Variants in MAGI2 observed in about 807,000 individuals in gnomAD.
MAGI2 encodes membrane associated guanylate kinase, WW and PDZ domain containing 2.
In MAGI2, 35 loss-of-function variants were observed where a neutral mutation model predicts 133.3. The observed-to-expected ratio is 0.26, with a 90% CI of 0.20 to 0.35. The LOEUF is 0.35. Among genes scored for constraint, MAGI2 ranks in the 10% least tolerant of loss-of-function variants. The probability of loss-of-function intolerance (pLI) is 1.00; values close to 1 mark genes in which losing one functional copy is unlikely to be tolerated. For synonymous variants in MAGI2, 729 were observed against 710.6 expected (o/e 1.03, Z -0.41); for missense variants, 1,636 against 1,863.4 (o/e 0.88, Z 2.25).
intron 2 of MAGI2, among the ~76,000 whole-genome samples, chr7:78,658,234 T>G (rs1812520973): frequency 6.6e-6 from 1 of 152,140 alleles, no homozygotes; most frequent in Non-Finnish European, 1.5e-5. Flanking sequence ...AAGGAAGAGC[T>G]TTTTCAACAA....
intron 10 of MAGI2, among the ~76,000 whole-genome samples, chr7:78,217,028 T>A (rs976605931): frequency 3.9e-5 from 6 of 152,194 alleles, no homozygotes; most frequent in Non-Finnish European, 8.8e-5. Context: ...GGGGATGGCA[T>A]CTCCAATGTT....
At chr7:79,088,479 T>C (rs1816735986) in intron 1 of MAGI2, among the ~76,000 whole-genome samples, 1 of 152,122 alleles carries the variant, frequency 6.6e-6, no homozygotes, top group Non-Finnish European at 1.5e-5. Context: ...TGACTTCCTC[T>C]TTTCCTATTT....
chr7:78,422,356 A>G (rs1798878517), intron 6 of MAGI2, among the ~76,000 whole-genome samples: 1 of 152,200 alleles, frequency 6.6e-6, no homozygotes, highest in South Asian at 2.1e-4. Context: ...ATGTTAATAG[A>G]TCTCAGGTGA....
rs1808079818 is a variant in MAGI2 at position 78,019,477 on chromosome 7, G to C, written c.4206C>G (p.Ala1402=). ...CCGCGCGCGCACCCGCCCTGCCCTC[G>C]GCCTCCAGCGCGCCGCTGCCGCCGC... The part of the protein sequence containing the change: ...PGGGGSGALE[A]EGRAGARAGP... The change falls in exon 22 of 22, where the codon GCC becomes GCG. Residue 1402 remains alanine, a synonymous_variant. Coordinates refer to ENST00000354212, the MANE Select transcript of MAGI2 (RefSeq NM_012301.4). 1.0e-6 allele frequency: 1 copy of C among 979,854 alleles called. No individual in the cohort carries two copies. The allele number at this position is 979,854 out of a possible 1,614,324, so 60.7% of individuals were successfully genotyped here.
At chr7:78,551,817 T>C (rs1205641297) in intron 3 of MAGI2, among the ~76,000 whole-genome samples, 1 of 152,250 alleles carries the variant, frequency 6.6e-6, no homozygotes, top group Non-Finnish European at 1.5e-5. Flanking sequence ...CGAACCTGGC[T>C]CACTGCAGCC....
At chr7:79,129,237 T>C (rs1000560048) in intron 1 of MAGI2, among the ~76,000 whole-genome samples, 1 of 152,176 alleles carries the variant, frequency 6.6e-6, no homozygotes, top group Non-Finnish European at 1.5e-5. Context: ...ACGAAGCCTA[T>C]TTTATAATAA....
chr7:78,989,778 G>C (rs557868969), intron 2 of MAGI2, among the ~76,000 whole-genome samples: 1 of 152,032 alleles, frequency 6.6e-6, no homozygotes, highest in African/African-American at 2.4e-5. Flanking sequence ...GCATACCACC[G>C]TTTTCAGCCT....
intron 1 of MAGI2, among the ~76,000 whole-genome samples, chr7:79,198,921 T>C (rs1828342684): frequency 6.6e-6 from 1 of 151,790 alleles, no homozygotes; most frequent in African/African-American, 2.4e-5. Context: ...GTAAAAGAGA[T>C]GCAGGACCAT....
chr7:78,964,649 A>G (rs1050904340), intron 2 of MAGI2, among the ~76,000 whole-genome samples: 1 of 152,084 alleles, frequency 6.6e-6, no homozygotes. Context: ...CACACATGCA[A>G]CAACATACAA....
chr7:79,143,201 G>A (rs1286712044), intron 1 of MAGI2, among the ~76,000 whole-genome samples: 1 of 152,114 alleles, frequency 6.6e-6, no homozygotes, highest in Non-Finnish European at 1.5e-5. Context: ...ATTTTACATA[G>A]TGCTGCCAAT....
At chr7:78,283,760 T>C (rs1284807550) in intron 9 of MAGI2, among the ~76,000 whole-genome samples, 1 of 152,094 alleles carries the variant, frequency 6.6e-6, no homozygotes, top group Non-Finnish European at 1.5e-5. Flanking sequence ...TATTCCAAAG[T>C]GGTTACTGCT....
chr7:78,837,817 T>C (rs1283698810), intron 2 of MAGI2, among the ~76,000 whole-genome samples: 1 of 152,140 alleles, frequency 6.6e-6, no homozygotes, highest in African/African-American at 2.4e-5. Context: ...TTATTCGTAC[T>C]AGAAGCATTA....
chr7:79,304,668 C>T lies in MAGI2; in HGVS notation c.301+148352G>A, dbSNP rs142054579. On this transcript the variant is annotated intron_variant, in intron 1 of 21. Coordinates refer to ENST00000354212, the MANE Select transcript of MAGI2 (RefSeq NM_012301.4). ...AAGAAATCCCTAGATTTACACTGCCCAGACACTGCTGCTGAGCACTGAATG... is the reference window on the plus strand; with the variant it reads ...AAGAAATCCCTAGATTTACACTGCCTAGACACTGCTGCTGAGCACTGAATG... Among the ~76,000 whole-genome samples the T allele has an allele frequency of 2.0e-5, 3 of 152,298 alleles. No homozygotes were observed. In the East Asian group the frequency reaches 5.8e-4, roughly 29 times the overall value.
At chr7:78,438,138 C>T in intron 6 of MAGI2, among the ~76,000 whole-genome samples, 1 of 152,052 alleles carries the variant, frequency 6.6e-6, no homozygotes, top group South Asian at 2.1e-4. Context: ...AACAGATAAC[C>T]ACTGAAACGT....
intron 20 of MAGI2, among the ~76,000 whole-genome samples, chr7:78,124,861 C>CT (rs10707820): frequency 0.13 from 18,275 of 137,362 alleles, 1,266 homozygotes; most frequent in Middle Eastern, 0.18. Context: ...TAGCTGCTGT[C>CT]TTTTTTTTTT....
intron 21 of MAGI2, among the ~76,000 whole-genome samples, chr7:78,061,216 G>C (rs1813218706): frequency 6.6e-6 from 1 of 151,246 alleles, no homozygotes. Flanking sequence ...ATTTTGAGTG[G>C]GGCAATCCTT....
At chr7:78,106,004 C>T (rs182023751) in intron 20 of MAGI2, among the ~76,000 whole-genome samples, 233 of 152,158 alleles carry the variant, frequency 1.5e-3, no homozygotes, top group African/African-American at 5.2e-3. Flanking sequence ...ACTTTTCCCC[C>T]TTCTGCCTGC....
intron 1 of MAGI2, among the ~76,000 whole-genome samples, chr7:79,251,540 T>C (rs549959435): frequency 1.9e-4 from 29 of 152,274 alleles, no homozygotes; most frequent in Admixed American, 5.9e-4. Context: ...TACCATGAGA[T>C]ATTATCTTGG....
At chr7:78,910,594 C>G (rs891143261) in intron 2 of MAGI2, among the ~76,000 whole-genome samples, 3 of 152,092 alleles carry the variant, frequency 2.0e-5, no homozygotes, top group Admixed American at 6.5e-5. Context: ...AATTGTGGTG[C>G]TTTTCTCTTG....
Sources: gnomAD v4.1 joint callset for allele counts (sites outside exome capture counted in the v4.1 genomes callset) on GRCh38, gnomAD v4.1.1 for gene constraint, MANE v1.5 for transcripts, NCBI Gene and HGNC (gene_info 2026-07-23, HGNC 2026-07-21) for gene names.